The following SYNE1 variants were observed in gnomAD, a reference collection of about 807,000 sequenced individuals.
SYNE1 encodes the protein spectrin repeat containing nuclear envelope protein 1.
In SYNE1, 616 loss-of-function variants were observed where a neutral mutation model predicts 1,111.0. That is an observed-to-expected ratio of 0.55 (90% CI 0.52 to 0.59). The LOEUF is 0.59. Ranked by LOEUF, SYNE1 falls within the 20% of genes least tolerant of loss-of-function variation. The pLI is 0.00. For missense variants in SYNE1, 10,006 were observed against 10,417.0 expected (o/e 0.96, Z 1.72); for synonymous variants, 3,855 against 3,825.8 (o/e 1.01, Z -0.28).
At chr6:152,320,985 GTTTC>G (rs1422986066) in intron 84 of SYNE1, among the ~76,000 whole-genome samples, 1 of 149,614 alleles carries the variant, frequency 6.7e-6, no homozygotes, top group Non-Finnish European at 1.5e-5. Flanking sequence ...CTTACTTTTT[GTTTC>G]TTTAAGTCTT....
At chr6:152,279,561 CA>C (rs1185703839) in intron 97 of SYNE1, among the ~76,000 whole-genome samples, 2 of 151,260 alleles carry the variant, frequency 1.3e-5, no homozygotes, top group African/African-American at 2.4e-5. Context: ...CCAAAAAATA[CA>C]AAAAAATAAG....
intron 93 of SYNE1, among the ~76,000 whole-genome samples, chr6:152,294,436 T>G (rs1444365358): frequency 6.6e-6 from 1 of 152,222 alleles, no homozygotes; most frequent in African/African-American, 2.4e-5. Context: ...GCAGTACACA[T>G]GTATTTAAAG....
At chr6:152,253,817 G>GTTTTTTT (rs1491115589) in intron 104 of SYNE1, among the ~76,000 whole-genome samples, 3,595 of 59,116 alleles carry the variant, frequency 0.061, 1,490 homozygotes, top group Middle Eastern at 0.14. Flanking sequence ...GTAGTGGTTT[G>GTTTTTTT]GTTTTTTTTT....
At chr6:152,215,465 A>C (rs556861211) in intron 121 of SYNE1, among the ~76,000 whole-genome samples, 1 of 152,170 alleles carries the variant, frequency 6.6e-6, no homozygotes, top group East Asian at 1.9e-4. Flanking sequence ...CTCATATGTA[A>C]TTATATTACA....
chr6:152,145,234 T>G (rs755261860), intron 137 of SYNE1: 2 of 524,646 alleles, frequency 3.8e-6, no homozygotes, highest in Non-Finnish European at 6.9e-6. Flanking sequence ...TTAATGGACA[T>G]GAGAGGTCTA....
At position 152,471,702 on chromosome 6, in the gene SYNE1, C is replaced by T. The variant is rs759626508; in HGVS notation, c.1527G>A (p.Lys509=). 1.9e-6 allele frequency: 3 copies of T among 1,613,960 alleles called. No homozygotes were observed. The Middle Eastern group carries it at 4.9e-4, about 266-fold the overall frequency. ...HLMKMEFLEL[K]YRLLSLLVLA... is the part of the protein sequence containing the mutation. ...GAACCAGCAGTGAGAGCAGACGGTA[C>T]TTTAATTCTAAAAATTCCATTTTCA... is the stretch of plus-strand genomic sequence containing the variant. Residue 509 remains lysine, a synonymous_variant, in exon 16 of 146, where the codon AAG becomes AAA. Coordinates refer to ENST00000367255, the MANE Select transcript of SYNE1 (RefSeq NM_182961.4).
chr6:152,333,270 T>A (rs960673226), intron 77 of SYNE1, among the ~76,000 whole-genome samples: 1 of 152,060 alleles, frequency 6.6e-6, no homozygotes, highest in African/African-American at 2.4e-5. Flanking sequence ...AAGACACAAA[T>A]TAACTGAATT....
Position 152,221,540 on chromosome 6 carries a change from T to C in SYNE1, c.21542A>G (p.Glu7181Gly). Residue 7181 changes from glutamate (E) to glycine (G), a missense_variant, in exon 118 of 146, where the codon GAA becomes GGA. Physicochemically the swap from Glu to Gly is moderately conservative, Grantham distance 98. Transcript: ENST00000367255. Reference sequence around the variant, plus strand: ...TTTCTGTAAGCTCCTTTCCTGTTTTTCCAGATCATCTTGGAGATTCTGCCC... The same window carrying C: ...TTTCTGTAAGCTCCTTTCCTGTTTTCCCAGATCATCTTGGAGATTCTGCCC... ...DNLQNLQDDL[E>G]KQERSLQKFG... 6.2e-7 allele frequency: 1 copy of C among 1,613,884 alleles called. No homozygotes were observed. The highest frequency in any genetic ancestry group is 1.3e-5 in the African/African-American group (1 of 75,014).
At chr6:152,488,074 CAA>C (rs35496801) in intron 12 of SYNE1, among the ~76,000 whole-genome samples, 2 of 132,980 alleles carry the variant, frequency 1.5e-5, no homozygotes, top group Non-Finnish European at 1.6e-5. Context: ...GACTCCGTCT[CAA>C]AAAAAAAAAA....
chr6:152,441,065 G>T lies in SYNE1; in HGVS notation c.4149+65C>A. On this transcript the variant is annotated intron_variant, in intron 32 of 145. Transcript: ENST00000367255. ...AACAATTAATAGTAATAATGGAGGA[G>T]AAATCATTTTGTTTGTTTTGCTTTG... is the stretch of plus-strand genomic sequence containing the variant. 3.8e-6 allele frequency: 6 copies of T among 1,579,576 alleles called. No individual in the cohort carries two copies. The South Asian group carries it at 6.7e-5, about 18-fold the overall frequency.
intron 3 of SYNE1, among the ~76,000 whole-genome samples, chr6:152,572,366 A>G (rs555422356): frequency 6.6e-6 from 1 of 152,298 alleles, no homozygotes; most frequent in South Asian, 2.1e-4. Flanking sequence ...CAACAATCTA[A>G]TTAGCTGTTA....
At chr6:152,607,628 T>C (rs2099619622) in intron 3 of SYNE1, among the ~76,000 whole-genome samples, 1 of 152,182 alleles carries the variant, frequency 6.6e-6, no homozygotes, top group African/African-American at 2.4e-5. Flanking sequence ...GAAGACAGTG[T>C]GGTGATTCCT....
At chr6:152,428,062 A>G in intron 37 of SYNE1, 143 bp downstream of exon 37, 3 of 1,227,072 alleles carry the variant, frequency 2.4e-6, no homozygotes, top group Non-Finnish European at 3.5e-6. Context: ...TTTGCCTTAT[A>G]ACAAAGATCA....
chr6:152,404,164 A>C, intron 46 of SYNE1, 49 bp downstream of exon 46: 1 of 1,230,356 alleles, frequency 8.1e-7, no homozygotes, highest in Non-Finnish European at 1.2e-6. Flanking sequence ...AGTATATGGT[A>C]GTAATTACAA....
At chr6:152,328,996 TC>T (rs1188105931) in intron 78 of SYNE1, among the ~76,000 whole-genome samples, 2 of 152,182 alleles carry the variant, frequency 1.3e-5, no homozygotes, top group African/African-American at 4.8e-5. Flanking sequence ...CCATTTAGAC[TC>T]TTCATCTAGC....
At chr6:152,133,218 G>T in intron 143 of SYNE1, 58 bp downstream of exon 143, 1 of 1,486,442 alleles carries the variant, frequency 6.7e-7, no homozygotes, top group Non-Finnish European at 9.4e-7. Context: ...GCATGAAGAT[G>T]ATGCTTCTTT....
At chr6:152,429,838 C>T (rs9479315) in intron 36 of SYNE1, among the ~76,000 whole-genome samples, 4 of 152,080 alleles carry the variant, frequency 2.6e-5, no homozygotes, top group African/African-American at 9.7e-5. Context: ...GTTGTTAAAG[C>T]TAAGCTCTAA....
chr6:152,244,455 G>C (rs2086576240), intron 106 of SYNE1, 82 bp downstream of exon 106: 2 of 1,605,048 alleles, frequency 1.2e-6, no homozygotes, highest in East Asian at 4.5e-5. Flanking sequence ...TATAAAGAAA[G>C]CCAAGAAAAA....
rs767821402 is a variant in SYNE1, at chr6:152,416,968, C to T, written c.5469G>A (p.Leu1823=). ...VESKKGELQS[L]QGHLAKLGSL... ...AACCCAACTTTGCTAAGTGACCCTG[C>T]AGACTCTGCAATTCGCCCTTTTTGC... The change falls in exon 41 of 146, where the codon CTG becomes CTA. Residue 1823 remains leucine, a synonymous_variant. Transcript: ENST00000367255. 4.3e-6 allele frequency: 7 copies of T among 1,614,066 alleles called. No homozygotes were observed. The African/African-American group carries it at 5.3e-5, about 12-fold the overall frequency.
Sources: gnomAD v4.1 joint callset for allele counts (sites outside exome capture counted in the v4.1 genomes callset) on GRCh38, gnomAD v4.1.1 for gene constraint, MANE v1.5 for transcripts, NCBI Gene and HGNC (gene_info 2026-07-23, HGNC 2026-07-21) for gene names.